The following ACVR1 variants were observed in gnomAD, a reference collection of about 807,000 sequenced individuals.
ACVR1 encodes the protein activin A receptor type 1.
A neutral mutation model predicts 57.1 loss-of-function variants in ACVR1; 38 were observed. The ratio of observed to expected loss-of-function variants is 0.67; its 90% CI spans 0.51 to 0.87. The LOEUF (loss-of-function observed/expected upper bound fraction) is 0.87, where lower values mean the gene tolerates loss of function less well. Ranked by LOEUF, ACVR1 falls within the 40% of genes least tolerant of loss-of-function variation. ACVR1 has a pLI of 0.00. For synonymous variants in ACVR1, 212 were observed against 228.1 expected (o/e 0.93, Z 0.63); for missense variants, 463 against 638.2 (o/e 0.73, Z 2.96).
chr2:157,827,916 A>G (rs1236337524), intron 1 of ACVR1, among the ~76,000 whole-genome samples: 1 of 152,148 alleles, frequency 6.6e-6, no homozygotes, highest in Non-Finnish European at 1.5e-5. Flanking sequence ...GCAGTGGCCC[A>G]AGTCACTACG....
rs142160807 is a variant in ACVR1, at chr2:157,763,404, C to T, written c.1067-2327G>A. ...TTCGGGATTTAAGTGATCATTATAACATTTGAATTTTTTAATAATAAAAAG... is the reference window on the plus strand; with the variant it reads ...TTCGGGATTTAAGTGATCATTATAATATTTGAATTTTTTAATAATAAAAAG... On this transcript the variant is annotated intron_variant, in intron 8 of 10. Coordinates refer to ENST00000434821, the MANE Select transcript of ACVR1 (RefSeq NM_001111067.4). 6.5e-3 allele frequency among the ~76,000 whole-genome samples: 995 copies of T among 152,232 alleles called. 8 individuals carry two copies. Among genetic ancestry groups the T allele is most frequent in the African/African-American group, 0.022 (904 of 41,536 alleles).
intron 1 of ACVR1, among the ~76,000 whole-genome samples, chr2:157,866,365 G>T (rs902285457): frequency 4.6e-5 from 7 of 152,106 alleles, no homozygotes; most frequent in African/African-American, 1.4e-4. Context: ...AGTAGGAGAA[G>T]AGAGAGGAGC....
intron 8 of ACVR1, among the ~76,000 whole-genome samples, chr2:157,764,198 T>C (rs1407472348): frequency 6.6e-6 from 1 of 152,034 alleles, no homozygotes; most frequent in African/African-American, 2.4e-5. Flanking sequence ...ATATATTTTT[T>C]TTTAGACGAA....
At chr2:157,826,758 A>C (rs1183942047) in intron 1 of ACVR1, 2 of 114,382 alleles carry the variant, frequency 1.7e-5, no homozygotes, top group Non-Finnish European at 3.3e-5. Flanking sequence ...AAGGAAAGGA[A>C]AGGAAAGGAA....
At chr2:157,764,516 A>T (rs1182787628) in intron 8 of ACVR1, among the ~76,000 whole-genome samples, 1 of 151,778 alleles carries the variant, frequency 6.6e-6, no homozygotes, top group Non-Finnish European at 1.5e-5. Flanking sequence ...CCACGATCAC[A>T]CTGTTATGCA....
intron 5 of ACVR1, among the ~76,000 whole-genome samples, chr2:157,774,581 C>T (rs1168457877): frequency 6.6e-6 from 1 of 152,128 alleles, no homozygotes. Flanking sequence ...TCAGGCTGGT[C>T]TCAAACTCCT....
At chr2:157,863,967 C>T (rs1388191597) in intron 1 of ACVR1, among the ~76,000 whole-genome samples, 1 of 146,710 alleles carries the variant, frequency 6.8e-6, no homozygotes, top group Non-Finnish European at 1.5e-5. Flanking sequence ...TCAAGAGATT[C>T]TCCTGCCTCA....
chr2:157,856,690 G>T (rs1230731561), intron 1 of ACVR1, among the ~76,000 whole-genome samples: 1 of 152,110 alleles, frequency 6.6e-6, no homozygotes, highest in African/African-American at 2.4e-5. Flanking sequence ...AGTCCAGAGA[G>T]GTTTGGGCCG....
chr2:157,845,672 C>A (rs1368443822), intron 1 of ACVR1, among the ~76,000 whole-genome samples: 1 of 151,484 alleles, frequency 6.6e-6, no homozygotes, highest in Admixed American at 6.6e-5. Context: ...AAGGGCCCCA[C>A]AGGCAGGAGG....
At chr2:157,749,720 A>G (rs1247702876) in intron 9 of ACVR1, among the ~76,000 whole-genome samples, 1 of 152,178 alleles carries the variant, frequency 6.6e-6, no homozygotes, top group Non-Finnish European at 1.5e-5. Context: ...GGCTCTGAAA[A>G]CAGGCCTGCC....
At chr2:157,786,515 C>A (rs1046509297) in intron 3 of ACVR1, among the ~76,000 whole-genome samples, 1 of 152,186 alleles carries the variant, frequency 6.6e-6, no homozygotes, top group Non-Finnish European at 1.5e-5. Flanking sequence ...CCTGAGCAAA[C>A]CATTTCTTCC....
At chr2:157,758,953 C>T (rs1409233320) in intron 9 of ACVR1, among the ~76,000 whole-genome samples, 2 of 151,772 alleles carry the variant, frequency 1.3e-5, no homozygotes, top group Non-Finnish European at 2.9e-5. Context: ...CAAATAAAAA[C>T]GGAAACATAA....
At chr2:157,767,298 T>A (rs558193909) in intron 7 of ACVR1, among the ~76,000 whole-genome samples, 1 of 152,232 alleles carries the variant, frequency 6.6e-6, no homozygotes, top group Admixed American at 6.5e-5. Flanking sequence ...CCTCCCAAAG[T>A]GCTGGGATTA....
At chr2:157,798,253 A>G (rs934503066) in intron 3 of ACVR1, among the ~76,000 whole-genome samples, 1 of 152,108 alleles carries the variant, frequency 6.6e-6, no homozygotes, top group Admixed American at 6.5e-5. Flanking sequence ...AAATATTCCA[A>G]ACATATAACT....
At chr2:157,740,541 GAA>G (rs1684712499) in intron 9 of ACVR1, among the ~76,000 whole-genome samples, 1 of 152,252 alleles carries the variant, frequency 6.6e-6, no homozygotes, top group African/African-American at 2.4e-5. Flanking sequence ...CAATTTTTCT[GAA>G]AGAGAATATA....
intron 3 of ACVR1, among the ~76,000 whole-genome samples, chr2:157,785,529 G>A (rs967468083): frequency 5.3e-5 from 8 of 152,306 alleles, no homozygotes; most frequent in East Asian, 3.9e-4. Flanking sequence ...ACAAAGGTCC[G>A]TCTGGAATGC....
Position 157,739,617 on chromosome 2 carries a change from G to A in ACVR1, c.1265-1047C>T, listed in dbSNP as rs141082147. The stretch of plus-strand genomic sequence containing the variant: ...TTCCTAAATACCTAAGAAGTTGTTG[G>A]AGGCGACAGAAGGAGTGTGAGGAAA... On this transcript the variant is annotated intron_variant, in intron 9 of 10. Transcript: ENST00000434821. Among the ~76,000 whole-genome samples, 15 of 151,990 alleles carry A rather than the reference G, an allele frequency of 9.9e-5. No individual in the cohort carries two copies. The East Asian group carries it at 1.9e-3, about 20-fold the overall frequency.
chr2:157,859,250 G>A (rs1022170995), intron 1 of ACVR1, among the ~76,000 whole-genome samples: 1 of 152,228 alleles, frequency 6.6e-6, no homozygotes, highest in African/African-American at 2.4e-5. Flanking sequence ...GGTGACGAGA[G>A]TGACCTCTGG....
Position 157,783,728 on chromosome 2 carries a change from A to G in ACVR1, c.68-3128T>C, listed in dbSNP as rs184987578. On this transcript the variant is annotated intron_variant, in intron 3 of 10. Coordinates refer to ENST00000434821, the MANE Select transcript of ACVR1 (RefSeq NM_001111067.4). ...AACCCTGAGCTGAGTCTAACAGCTA[A>G]CAGGGAAGTACAAAACCTTCACTAA... 1.7e-3 allele frequency among the ~76,000 whole-genome samples: 257 copies of G among 152,370 alleles called. 2 individuals carry two copies. The highest frequency in any genetic ancestry group is 0.015 in the South Asian group (73 of 4,826).
Sources: allele counts gnomAD v4.1 joint callset (sites outside exome capture counted in the v4.1 genomes callset), GRCh38; gene constraint gnomAD v4.1.1; transcripts MANE v1.5; gene names NCBI Gene and HGNC (gene_info 2026-07-23, HGNC 2026-07-21).